The following TNFRSF10B variants were observed in gnomAD, a reference collection of about 807,000 sequenced individuals.
The protein encoded by TNFRSF10B is TNF receptor superfamily member 10b, also known as tumor necrosis factor receptor superfamily member 10B.
Under a neutral mutation model 41.4 loss-of-function variants are expected in TNFRSF10B, and 35 were observed. That is an observed-to-expected ratio of 0.85 (90% CI 0.65 to 1.12). The LOEUF is 1.12. Ranked by LOEUF, TNFRSF10B falls within the 50% of genes most tolerant of loss-of-function variation. The pLI is 0.00. For missense variants in TNFRSF10B, 584 were observed against 552.7 expected, an observed-to-expected ratio of 1.06 and a Z score of -0.57; for synonymous variants, 230 against 215.5, an observed-to-expected ratio of 1.07 and a Z score of -0.59.
intron 7 of TNFRSF10B, among the ~76,000 whole-genome samples, chr8:23,024,496 A>C (rs1585205031): frequency 6.6e-6 from 1 of 151,888 alleles, no homozygotes; most frequent in South Asian, 2.1e-4. Flanking sequence ...TTTAATTTGT[A>C]ATACTCAAAA....
Position 23,028,434 on chromosome 8 carries a change from G to A in TNFRSF10B, c.645C>T (p.Ile215=). ...PASPCSLSGI[I]IGVTVAAVVL... ...CTACGGCTGCAACTGTGACTCCTAT[G>A]ATGATGCCTGAGAGAGAACAGGGAG... The change falls in exon 5 of 9, where the codon ATC becomes ATT. Residue 215 remains isoleucine (I), a synonymous_variant. Transcript: ENST00000276431. The A allele has an allele frequency of 6.2e-7, 1 of 1,614,194 alleles. No individual in the cohort carries two copies. The highest frequency in any genetic ancestry group is 2.2e-5 in the East Asian group (1 of 44,880).
chr8:23,025,426 G>A (rs1187915789), intron 7 of TNFRSF10B, among the ~76,000 whole-genome samples: 1 of 152,082 alleles, frequency 6.6e-6, no homozygotes, highest in South Asian at 2.1e-4. Context: ...GTGGGCGGGA[G>A]GGGTACTAGA....
chr8:23,050,650 T>C (rs1460904648), intron 1 of TNFRSF10B, among the ~76,000 whole-genome samples: 1 of 152,198 alleles, frequency 6.6e-6, no homozygotes, highest in Non-Finnish European at 1.5e-5. Flanking sequence ...AAGTGTAATT[T>C]AGACACTTAG....
intron 2 of TNFRSF10B, among the ~76,000 whole-genome samples, chr8:23,039,983 A>C (rs1812122949): frequency 6.6e-6 from 1 of 152,076 alleles, no homozygotes; most frequent in Non-Finnish European, 1.5e-5. Context: ...ACTTGAGGTC[A>C]GGAGTTTGAG....
At chr8:23,025,511 G>T (rs1563305477) in intron 7 of TNFRSF10B, among the ~76,000 whole-genome samples, 1 of 152,104 alleles carries the variant, frequency 6.6e-6, no homozygotes, top group Non-Finnish European at 1.5e-5. Flanking sequence ...AAACATATTT[G>T]CTGTCTAAGA....
At chr8:23,064,556 G>C (rs911679588) in intron 1 of TNFRSF10B, among the ~76,000 whole-genome samples, 1 of 152,054 alleles carries the variant, frequency 6.6e-6, no homozygotes, top group African/African-American at 2.4e-5. Context: ...GGAGGTCAGG[G>C]GTTTGGCTTA....
In TNFRSF10B at chr8:23,022,848, C is replaced by T; in HGVS notation, c.1146G>A (p.Leu382=). 5.0e-6 allele frequency: 8 copies of T among 1,614,110 alleles called. No homozygotes were observed. The highest frequency in any genetic ancestry group is 2.2e-5 in the East Asian group (1 of 44,882). The change falls in exon 9 of 9, where the codon TTG becomes TTA. Residue 382 remains leucine (L), a synonymous_variant. Coordinates refer to ENST00000276431, the MANE Select transcript of TNFRSF10B (RefSeq NM_003842.5). ...KAEAAGHRDT[L]YTMLIKWVNK... is the part of the protein sequence containing the mutation. ...TGACCCACTTTATCAGCATCGTGTACAAGGTGTCCCTGTGGCCCGCTGCCT... is the reference window on the plus strand; with the variant it reads ...TGACCCACTTTATCAGCATCGTGTATAAGGTGTCCCTGTGGCCCGCTGCCT...
At chr8:23,033,719 A>C (rs1811952299) in intron 2 of TNFRSF10B, among the ~76,000 whole-genome samples, 2 of 152,062 alleles carry the variant, frequency 1.3e-5, no homozygotes, top group Non-Finnish European at 2.9e-5. Flanking sequence ...TGGCTTAAAC[A>C]ATAGACATTT....
intron 1 of TNFRSF10B, among the ~76,000 whole-genome samples, chr8:23,064,988 A>T (rs1281780120): frequency 6.6e-6 from 1 of 152,216 alleles, no homozygotes; most frequent in African/African-American, 2.4e-5. Context: ...CTGTCAGTCA[A>T]ATATGGAGGG....
chr8:23,020,418 C>G lies in TNFRSF10B; in HGVS notation c.*2253G>C. 1 of 454,116 alleles carries G rather than the reference C, an allele frequency of 2.2e-6. No homozygotes were observed. Among genetic ancestry groups the G allele is most frequent in the Non-Finnish European group, 4.4e-6 (1 of 226,788 alleles). 28.1% of individuals were successfully genotyped at this position (454,116 alleles called of 1,614,324 possible). ...GCTTACTTTAAAAGAATAGCTTGGC[C>G]TGGCTGGTGGCTCACGCCTGTAATC... On this transcript the variant is annotated 3_prime_UTR_variant, in exon 9 of 9. Transcript: ENST00000276431.
chr8:23,065,734 G>A (rs1312354677), intron 1 of TNFRSF10B, among the ~76,000 whole-genome samples: 1 of 152,018 alleles, frequency 6.6e-6, no homozygotes, highest in East Asian at 1.9e-4. Flanking sequence ...CCAGAATAAT[G>A]CCCAATAGAC....
rs1397782246 is a variant in TNFRSF10B at position 23,051,211 on chromosome 8, G to C, written c.145-7968C>G. Among the ~76,000 whole-genome samples the C allele has an allele frequency of 3.3e-5, 5 of 151,600 alleles. No individual in the cohort carries two copies. The East Asian group carries it at 9.7e-4, about 29-fold the overall frequency. The stretch of plus-strand genomic sequence containing the variant: ...AAATGGCTCAAAGAAAAAAGCACTT[G>C]AATAACAGAAAAAAGGAAAGACTAG... On this transcript the variant is annotated intron_variant, in intron 1 of 8. Coordinates refer to ENST00000276431, the MANE Select transcript of TNFRSF10B (RefSeq NM_003842.5).
chr8:23,053,556 TA>T (rs1812581740), intron 1 of TNFRSF10B, among the ~76,000 whole-genome samples: 1 of 152,170 alleles, frequency 6.6e-6, no homozygotes. Flanking sequence ...ATGTATTGGC[TA>T]AAATTAAAGG....
intron 1 of TNFRSF10B, among the ~76,000 whole-genome samples, chr8:23,054,259 G>C (rs1243286062): frequency 6.6e-6 from 1 of 152,186 alleles, no homozygotes; most frequent in Non-Finnish European, 1.5e-5. Context: ...TGCATGAACT[G>C]AACTAATAGG....
At chr8:23,035,970 CG>C (rs1474793445) in intron 2 of TNFRSF10B, among the ~76,000 whole-genome samples, 1 of 152,214 alleles carries the variant, frequency 6.6e-6, no homozygotes, top group Non-Finnish European at 1.5e-5. Context: ...GCAGACCCAA[CG>C]GTGCTTGAAG....
At chr8:23,058,490 G>T (rs1585226596) in intron 1 of TNFRSF10B, among the ~76,000 whole-genome samples, 1 of 129,546 alleles carries the variant, frequency 7.7e-6, no homozygotes, top group Admixed American at 8.4e-5. Context: ...TTGTGTATTG[G>T]CTTTTTTTTT....
chr8:23,033,918 A>G (rs1006161525), intron 2 of TNFRSF10B, among the ~76,000 whole-genome samples: 1 of 151,954 alleles, frequency 6.6e-6, no homozygotes, highest in Non-Finnish European at 1.5e-5. Context: ...TCTAAACCCA[A>G]TTACTTCCCA....
At position 23,021,147 on chromosome 8, in the gene TNFRSF10B, GAA is replaced by G. The variant is rs1041739431; in HGVS notation, c.*1522_*1523del. On this transcript the variant is annotated 3_prime_UTR_variant, in exon 9 of 9. Coordinates refer to ENST00000276431, the MANE Select transcript of TNFRSF10B (RefSeq NM_003842.5). ...CCTTCCATGACTGAAATACTATGGA[GAA>G]GGGTTTGCTGGAAAGAGGCTGAAAT... 1 of 454,012 alleles carries G rather than the reference GAA, an allele frequency of 2.2e-6. No individual in the cohort carries two copies. The highest frequency in any genetic ancestry group is 4.4e-6 in the Non-Finnish European group (1 of 226,806). 28.1% of individuals were successfully genotyped at this position (454,012 alleles called of 1,614,324 possible). A position where few individuals can be genotyped will look rare whatever the true frequency, so the allele number is the denominator to read the frequency against.
At position 23,021,523 on chromosome 8, in the gene TNFRSF10B, C is replaced by T. The variant is rs1401221683; in HGVS notation, c.*1148G>A. 6.6e-6 allele frequency: 3 copies of T among 454,026 alleles called. No homozygotes were observed. Among genetic ancestry groups the T allele is most frequent in the Non-Finnish European group, 1.3e-5 (3 of 226,802 alleles). 28.1% of individuals were successfully genotyped at this position (454,026 alleles called of 1,614,324 possible). On this transcript the variant is annotated 3_prime_UTR_variant, in exon 9 of 9. Coordinates refer to ENST00000276431, the MANE Select transcript of TNFRSF10B (RefSeq NM_003842.5). ...TGAGCCCAAACAGGGCTCAAGTTCA[C>T]TTGGGATATGACATAGACCCTATTG...
Sources: gnomAD v4.1 joint callset for allele counts (sites outside exome capture counted in the v4.1 genomes callset) on GRCh38, gnomAD v4.1.1 for gene constraint, MANE v1.5 for transcripts, NCBI Gene and HGNC (gene_info 2026-07-23, HGNC 2026-07-21) for gene names.